SATB1: variants seen among roughly 807,000 people sequenced by gnomAD.
SATB1 encodes the protein DNA-binding protein SATB1.
Under a neutral mutation model 86.9 loss-of-function variants are expected in SATB1, and 11 were observed. That is an observed-to-expected ratio of 0.13 (90% CI 0.08 to 0.21). SATB1 has a LOEUF of 0.21. Ranked by LOEUF, SATB1 falls within the 10% of genes least tolerant of loss-of-function variation. SATB1 has a pLI of 1.00. For missense variants in SATB1, 551 were observed against 937.6 expected (o/e 0.59, Z 5.39); for synonymous variants, 357 against 357.2 (o/e 1.00, Z 0.01).
Position 18,416,006 on chromosome 3 carries a change from C to T in SATB1, c.515+1G>A. On this transcript the variant is annotated splice_donor_variant, in intron 4 of 10. Transcript: ENST00000338745. LOFTEE classifies it high-confidence loss of function. Reference sequence around the variant, plus strand: ...ACCCTAGATTTGCTGTCTTGACTCACCTGTGTAACTGAATTTTCAATGTGA... The same window carrying T: ...ACCCTAGATTTGCTGTCTTGACTCATCTGTGTAACTGAATTTTCAATGTGA... 1 of 1,596,866 alleles carries T rather than the reference C, an allele frequency of 6.3e-7. No individual in the cohort carries two copies. The highest frequency in any genetic ancestry group is 8.6e-7 in the Non-Finnish European group (1 of 1,169,204).
At chr3:18,385,202 G>C (rs1696273287) in intron 8 of SATB1, among the ~76,000 whole-genome samples, 1 of 152,096 alleles carries the variant, frequency 6.6e-6, no homozygotes, top group East Asian at 1.9e-4. Flanking sequence ...AAGTAAAATC[G>C]AGATACAATT....
At chr3:18,356,129 T>C (rs1694620406) in intron 9 of SATB1, among the ~76,000 whole-genome samples, 2 of 151,830 alleles carry the variant, frequency 1.3e-5, no homozygotes, top group African/African-American at 4.8e-5. Context: ...AAGCTGAAAA[T>C]GCCATGCAGA....
At chr3:18,397,921 T>C (rs1394693204) in intron 5 of SATB1, among the ~76,000 whole-genome samples, 1 of 152,178 alleles carries the variant, frequency 6.6e-6, no homozygotes, top group Non-Finnish European at 1.5e-5. Context: ...ACTGACCGTA[T>C]TTGAGAAGAA....
chr3:18,420,526 C>A (rs1281910623), intron 2 of SATB1, among the ~76,000 whole-genome samples: 2 of 152,170 alleles, frequency 1.3e-5, no homozygotes, highest in African/African-American at 4.8e-5. Context: ...GTCCTTATTA[C>A]CCAAAATGTT....
upstream of SATB1, among the ~76,000 whole-genome samples, chr3:18,441,135 C>T (rs187433952): frequency 2.0e-5 from 3 of 152,288 alleles, no homozygotes; most frequent in Admixed American, 2.0e-4. Context: ...AGAAATATTG[C>T]TGAACTCTCC....
In SATB1 at chr3:18,347,966, GTAGT is replaced by G. The variant is rs1476455672; in HGVS notation, c.*1200_*1203del. 6.6e-6 allele frequency: 1 copy of G among 152,458 alleles called. No individual in the cohort carries two copies. Among genetic ancestry groups the G allele is most frequent in the Non-Finnish European group, 1.5e-5 (1 of 67,976 alleles). The allele number at this position is 152,458 out of a possible 1,614,324, so 9.4% of individuals were successfully genotyped here. On this transcript the variant is annotated 3_prime_UTR_variant, in exon 11 of 11. Transcript: ENST00000338745. ...ATACGATACAAACAATTTTAATTGT[GTAGT>G]TACAGTCAATAACCACTCCTAGTCA...
chr3:18,401,224 A>C lies in SATB1; in HGVS notation c.640-3934T>G, dbSNP rs540843156. ...GCTGGACACAGACTAGGTGATCAATAAAAAGGGTCACTGAAACAAGCCACC... is the reference window on the plus strand; with the variant it reads ...GCTGGACACAGACTAGGTGATCAATCAAAAGGGTCACTGAAACAAGCCACC... On this transcript the variant is annotated intron_variant, in intron 5 of 10. Transcript: ENST00000338745. 3.9e-5 allele frequency among the ~76,000 whole-genome samples: 6 copies of C among 152,280 alleles called. No homozygotes were observed. In the South Asian group the frequency reaches 1.2e-3, roughly 32 times the overall value.
chr3:18,352,270 G>A lies in SATB1; in HGVS notation c.1576-75C>T. On this transcript the variant is annotated intron_variant, in intron 9 of 10. Transcript: ENST00000338745. The surrounding 1 kb of genome is among the most constrained non-coding windows in gnomAD (Gnocchi z 4.1). Reference sequence around the variant, plus strand: ...GCATTTTCCATTAGGAGCTAAAAAGGAAAAACCCTATGAATTAACTTTTTC... The same window carrying A: ...GCATTTTCCATTAGGAGCTAAAAAGAAAAAACCCTATGAATTAACTTTTTC... 5 of 1,305,416 alleles carry A rather than the reference G, an allele frequency of 3.8e-6. No homozygotes were observed. The highest frequency in any genetic ancestry group is 3.8e-5 in the Admixed American group (2 of 52,284). 80.9% of individuals were successfully genotyped at this position (1,305,416 alleles called of 1,614,324 possible). A position where few individuals can be genotyped will look rare whatever the true frequency, so the allele number is the denominator to read the frequency against.
rs1341360949 is a variant in SATB1, at chr3:18,346,761, TTTAGG to T, written c.*2404_*2408del. 4 of 152,160 alleles carry T rather than the reference TTTAGG, an allele frequency of 2.6e-5. No individual in the cohort carries two copies. The highest frequency in any genetic ancestry group is 2.6e-4 in the Admixed American group (4 of 15,272). 9.4% of individuals were successfully genotyped at this position (152,160 alleles called of 1,614,324 possible). ...CACTGAAAACACTATTTCAAAATAA[TTTAGG>T]TTATTAGGAATTGGAAAGTTATTTG... On this transcript the variant is annotated 3_prime_UTR_variant, in exon 11 of 11. Coordinates refer to ENST00000338745, the MANE Select transcript of SATB1 (RefSeq NM_002971.6).
rs76657556 is a variant in SATB1 at position 18,407,835 on chromosome 3, C to T, written c.639+7276G>A. On this transcript the variant is annotated intron_variant, in intron 5 of 10. Transcript: ENST00000338745. ...AAAAGAAAACTAGATCAAGCTGTGT[C>T]GTATGTTATCATAAGACAGGAGTTT... 7.8e-3 allele frequency among the ~76,000 whole-genome samples: 1,179 copies of T among 152,086 alleles called. 19 individuals carry two copies. The highest frequency in any genetic ancestry group is 0.046 in the East Asian group (235 of 5,134).
upstream of SATB1, among the ~76,000 whole-genome samples, chr3:18,438,930 G>A (rs1336824041): frequency 6.6e-6 from 1 of 152,198 alleles, no homozygotes; most frequent in African/African-American, 2.4e-5. Flanking sequence ...AAGCATTTCA[G>A]CCTCATCTGG....
At chr3:18,420,629 T>C (rs1698333328) in intron 2 of SATB1, 128 bp downstream of exon 2, 3 of 737,722 alleles carry the variant, frequency 4.1e-6, no homozygotes, top group Non-Finnish European at 7.1e-6. Flanking sequence ...ATGTAACTAA[T>C]GTACGATCAT....
chr3:18,345,980 A>AACAC lies in SATB1; in HGVS notation c.*3186_*3189dup, dbSNP rs1694034141. ...CTATTCAAGCCAGTATTTTTAGATA[A>AACAC]ACACAGATATAGATATCGCTACTTT... On this transcript the variant is annotated 3_prime_UTR_variant, in exon 11 of 11. Transcript: ENST00000338745. The AACAC allele has an allele frequency of 6.6e-6, 1 of 152,158 alleles. No individual in the cohort carries two copies. The highest frequency in any genetic ancestry group is 2.4e-5 in the African/African-American group (1 of 41,450). 9.4% of individuals were successfully genotyped at this position (152,158 alleles called of 1,614,324 possible).
chr3:18,412,053 C>A (rs1697872783), intron 5 of SATB1, among the ~76,000 whole-genome samples: 1 of 151,834 alleles, frequency 6.6e-6, no homozygotes, highest in African/African-American at 2.4e-5. Flanking sequence ...CTAACTGCAA[C>A]CTCCGCCTCC....
In SATB1 at chr3:18,394,617, G is replaced by A; in HGVS notation, c.1051C>T (p.Pro351Ser). The A allele has an allele frequency of 6.2e-7, 1 of 1,614,196 alleles. No homozygotes were observed. Among genetic ancestry groups the A allele is most frequent in the East Asian group, 2.2e-5 (1 of 44,878 alleles). The change falls in exon 7 of 11, where the codon CCC becomes TCC. Residue 351 changes from proline to serine, a missense_variant. Physicochemically the swap from Pro to Ser is moderately conservative, Grantham distance 74. Coordinates refer to ENST00000338745, the MANE Select transcript of SATB1 (RefSeq NM_002971.6). The surrounding 1 kb of genome is among the most constrained non-coding windows in gnomAD (Gnocchi z 5.9). The part of the protein sequence containing the change: ...SLNQQYLNHP[P>S]PVSRSMNKPL... ...TTATTCATAGATCTACTGACAGGGG[G>A]AGGGTGGTTCAAGTATTGTTGGTTT...
At chr3:18,411,911 T>C (rs577866312) in intron 5 of SATB1, among the ~76,000 whole-genome samples, 8 of 152,232 alleles carry the variant, frequency 5.3e-5, no homozygotes, top group African/African-American at 1.9e-4. Context: ...TTATGGAATT[T>C]CTGCAGCTGA....
chr3:18,376,164 A>G (rs1416563608), intron 9 of SATB1, among the ~76,000 whole-genome samples: 3 of 152,050 alleles, frequency 2.0e-5, no homozygotes, highest in Non-Finnish European at 4.4e-5. Context: ...TAGCTCCAAA[A>G]TCAGTACTCA....
Position 18,444,555 on chromosome 3 carries a change from T to C in SATB1, c.-25+963A>G. ...GATTCCGGAAAAAGAGGGACAGAGA[T>C]AAAACAGCAAGAGTAGCAAGGGGAA... On this transcript the variant is annotated intron_variant, in intron 1 of 3. Coordinates refer to the SATB1 transcript ENST00000415069. This position sits in a 1 kb window ranked among gnomAD's most constrained non-coding sequence, Gnocchi z 5.1. The C allele has an allele frequency of 2.0e-6, 2 of 981,620 alleles. No individual in the cohort carries two copies. The highest frequency in any genetic ancestry group is 2.4e-6 in the Non-Finnish European group (2 of 826,978). The allele number at this position is 981,620 out of a possible 1,614,324, so 60.8% of individuals were successfully genotyped here.
intron 6 of SATB1, 47 bp downstream of exon 6, chr3:18,397,132 G>T: frequency 9.8e-7 from 1 of 1,017,896 alleles, no homozygotes; most frequent in South Asian, 1.3e-5. Context: ...ACCCCCAAAT[G>T]ACACGTAATG....
Sources: gnomAD v4.1 joint callset for allele counts (sites outside exome capture counted in the v4.1 genomes callset) on GRCh38, gnomAD v4.1.1 for gene constraint, Gnocchi (gnomAD v3.1) non-coding constraint, MANE v1.5 for transcripts, NCBI Gene and HGNC (gene_info 2026-07-23, HGNC 2026-07-21) for gene names.